GABRB3: variants seen among roughly 807,000 people sequenced by gnomAD.
The protein encoded by GABRB3 is gamma-aminobutyric acid type A receptor subunit beta3, also known as gamma-aminobutyric acid receptor subunit beta-3.
GABRB3 carries 14 observed loss-of-function variants against 52.1 expected under a neutral mutation model. That is an observed-to-expected ratio of 0.27 (90% CI 0.18 to 0.42). The LOEUF (loss-of-function observed/expected upper bound fraction) is 0.42. Among genes scored for constraint, GABRB3 ranks in the 10% least tolerant of loss-of-function variants. GABRB3 has a pLI of 1.00. For synonymous variants in GABRB3, 260 were observed against 232.3 expected (o/e 1.12, Z -1.08); for missense variants, 307 against 609.1 (o/e 0.50, Z 5.22).
intron 3 of GABRB3, among the ~76,000 whole-genome samples, chr15:26,648,778 G>C (rs2140585141): frequency 6.6e-6 from 1 of 152,352 alleles, no homozygotes; most frequent in Middle Eastern, 3.4e-3. Context: ...AGAATCACTA[G>C]TGTGGAGACC....
At position 26,759,139 on chromosome 15, in the gene GABRB3, G is replaced by A. The variant is rs533270632; in HGVS notation, c.240+13263C>T. 7.2e-5 allele frequency among the ~76,000 whole-genome samples: 11 copies of A among 152,030 alleles called. No individual in the cohort carries two copies. In the East Asian group the frequency reaches 2.1e-3, roughly 30 times the overall value. On this transcript the variant is annotated intron_variant, in intron 3 of 8. Coordinates refer to ENST00000311550, the MANE Select transcript of GABRB3 (RefSeq NM_000814.6). ...TTTCCTGGTCTCTCTGCACATCTCT[G>A]GTGCAGGCAGACCAAAGTCTTCATC...
At chr15:26,747,613 T>C (rs1383589998) in intron 3 of GABRB3, among the ~76,000 whole-genome samples, 3 of 152,328 alleles carry the variant, frequency 2.0e-5, no homozygotes, top group Admixed American at 1.3e-4. Flanking sequence ...CCAGAAGTTT[T>C]TATATAAATT....
In GABRB3 at chr15:26,773,012, G is replaced by A. The variant is rs1241072550; in HGVS notation, c.-50C>T. 3 of 1,289,276 alleles carry A rather than the reference G, an allele frequency of 2.3e-6. No individual in the cohort carries two copies. Among genetic ancestry groups the A allele is most frequent in the Non-Finnish European group, 3.0e-6 (3 of 1,010,464 alleles). 79.9% of individuals were successfully genotyped at this position (1,289,276 alleles called of 1,614,324 possible). On this transcript the variant is annotated 5_prime_UTR_variant, in exon 1 of 9. Transcript: ENST00000311550. ...GGAGGGGGCGCCCCGCCGCCGTCGC[G>A]ACCCGCAGCCGGGGCTGCTCCTGCT...
chr15:26,608,137 T>TA (rs556950113), intron 4 of GABRB3, among the ~76,000 whole-genome samples: 4 of 143,550 alleles, frequency 2.8e-5, no homozygotes, highest in Admixed American at 2.8e-4. Context: ...GCCAATGAAA[T>TA]AGACTAGAGA....
At position 26,567,574 on chromosome 15, in the gene GABRB3, C is replaced by G. The variant is rs1890226296; in HGVS notation, c.835+7G>C. 1 of 1,612,798 alleles carries G rather than the reference C, an allele frequency of 6.2e-7. No homozygotes were observed. The highest frequency in any genetic ancestry group is 1.7e-5 in the Admixed American group (1 of 59,986). ...ACATTTAAATATCACTTAAAAATAGCACATACCGAGGGCAACTCTAGCAGC... is the reference window on the plus strand; with the variant it reads ...ACATTTAAATATCACTTAAAAATAGGACATACCGAGGGCAACTCTAGCAGC... On this transcript the variant is annotated splice_region_variant and intron_variant, in intron 7 of 8. Coordinates refer to ENST00000311550, the MANE Select transcript of GABRB3 (RefSeq NM_000814.6).
chr15:26,626,127 A>G (rs1207248035), intron 3 of GABRB3, among the ~76,000 whole-genome samples: 1 of 152,114 alleles, frequency 6.6e-6, no homozygotes, highest in Non-Finnish European at 1.5e-5. Flanking sequence ...TTAGTATTTC[A>G]TTACTTTTAT....
At chr15:26,578,081 C>G (rs1459508138) in intron 6 of GABRB3, among the ~76,000 whole-genome samples, 1 of 152,184 alleles carries the variant, frequency 6.6e-6, no homozygotes, top group African/African-American at 2.4e-5. Flanking sequence ...ACCACTGTGC[C>G]CAGCCTCTAA....
chr15:26,583,823 G>A (rs1566758842), intron 4 of GABRB3, among the ~76,000 whole-genome samples: 1 of 146,582 alleles, frequency 6.8e-6, no homozygotes, highest in Non-Finnish European at 1.5e-5. Context: ...CGCCCAGGCT[G>A]GAGTGCACTG....
chr15:26,754,167 G>C (rs189290227), intron 3 of GABRB3, among the ~76,000 whole-genome samples: 18 of 152,264 alleles, frequency 1.2e-4, no homozygotes, highest in Middle Eastern at 3.4e-3. Flanking sequence ...ATGGGAGGCA[G>C]AATCAGGCAA....
At chr15:26,585,969 T>C (rs1374521919) in intron 4 of GABRB3, among the ~76,000 whole-genome samples, 1 of 152,148 alleles carries the variant, frequency 6.6e-6, no homozygotes, top group African/African-American at 2.4e-5. Context: ...TCACTGACAA[T>C]GTTCAAATTT....
chr15:26,579,642 C>T (rs1750275878), intron 6 of GABRB3, among the ~76,000 whole-genome samples: 2 of 152,200 alleles, frequency 1.3e-5, no homozygotes, highest in Non-Finnish European at 2.9e-5. Flanking sequence ...ATTTATTATA[C>T]CAATTACAAT....
intron 3 of GABRB3, among the ~76,000 whole-genome samples, chr15:26,647,165 T>C (rs1887039726): frequency 6.6e-6 from 1 of 152,216 alleles, no homozygotes; most frequent in African/African-American, 2.4e-5. Context: ...TTTGGAGAAA[T>C]ATCTATTCAG....
chr15:26,730,600 G>A (rs554543682), intron 3 of GABRB3, among the ~76,000 whole-genome samples: 118 of 152,170 alleles, frequency 7.8e-4, no homozygotes, highest in African/African-American at 2.6e-3. Context: ...GGTGGGGCTG[G>A]GTCCTTAGGA....
chr15:26,611,584 A>G (rs1430109980), intron 4 of GABRB3, among the ~76,000 whole-genome samples: 1 of 152,190 alleles, frequency 6.6e-6, no homozygotes, highest in Non-Finnish European at 1.5e-5. Context: ...TTTTTGTCCT[A>G]AAGTAAAATG....
At chr15:26,698,602 G>C (rs1459431782) in intron 3 of GABRB3, among the ~76,000 whole-genome samples, 1 of 152,148 alleles carries the variant, frequency 6.6e-6, no homozygotes, top group Non-Finnish European at 1.5e-5. Flanking sequence ...ACATCCAAGA[G>C]AGAAAACAAA....
At chr15:26,554,176 G>GAGTGTA (rs71420007) in intron 8 of GABRB3, among the ~76,000 whole-genome samples, 1,001 of 27,314 alleles carry the variant, frequency 0.037, 134 homozygotes, top group African/African-American at 0.11. Flanking sequence ...TATATATAAA[G>GAGTGTA]TATATATATA....
intron 4 of GABRB3, among the ~76,000 whole-genome samples, chr15:26,589,006 G>A (rs28660271): frequency 0.063 from 9,585 of 152,208 alleles, 980 homozygotes; most frequent in African/African-American, 0.22. Flanking sequence ...TTCTGGTGAC[G>A]CACTGTCTTT....
intron 3 of GABRB3, among the ~76,000 whole-genome samples, chr15:26,656,172 T>G (rs2140600423): frequency 6.6e-6 from 1 of 152,168 alleles, no homozygotes; most frequent in South Asian, 2.1e-4. Flanking sequence ...GAGCTGAGCT[T>G]TGTCACTCTC....
At chr15:26,560,434 C>A (rs1036863349) in intron 8 of GABRB3, among the ~76,000 whole-genome samples, 1 of 152,132 alleles carries the variant, frequency 6.6e-6, no homozygotes, top group African/African-American at 2.4e-5. Flanking sequence ...AGTCCAAATG[C>A]CCTCACCCAA....
Sources: allele counts gnomAD v4.1 joint callset (sites outside exome capture counted in the v4.1 genomes callset), GRCh38; gene constraint gnomAD v4.1.1; transcripts MANE v1.5; gene names NCBI Gene and HGNC (gene_info 2026-07-23, HGNC 2026-07-21).